PPP6R3: variants seen among roughly 807,000 people sequenced by gnomAD.
PPP6R3 encodes the protein protein phosphatase 6 regulatory subunit 3, also known as serine/threonine-protein phosphatase 6 regulatory subunit 3.
In PPP6R3, 38 loss-of-function variants were observed where a neutral mutation model predicts 110.7. The ratio of observed to expected loss-of-function variants is 0.34; its 90% CI spans 0.26 to 0.45. The LOEUF (loss-of-function observed/expected upper bound fraction) is 0.45, where lower values mean the gene tolerates loss of function less well. Ranked by LOEUF, PPP6R3 falls within the 20% of genes least tolerant of loss-of-function variation. PPP6R3 has a pLI of 1.00. For synonymous variants in PPP6R3, 369 were observed against 373.5 expected, an observed-to-expected ratio of 0.99 and a Z score of 0.14; for missense variants, 870 against 1,062.4, an observed-to-expected ratio of 0.82 and a Z score of 2.52.
Position 68,515,802 on chromosome 11 carries a change from C to T in PPP6R3, c.-157-3699C>T, listed in dbSNP as rs190036131. 4.4e-3 allele frequency among the ~76,000 whole-genome samples: 667 copies of T among 152,310 alleles called. 14 individuals carry two copies. The highest frequency in any genetic ancestry group is 1.1e-3 in the Non-Finnish European group (75 of 68,028). ...ACCATGCTGGGAGTTAGGACTTCAA[C>T]ATATGAGTGGAAGAGAGGGAGGACA... On this transcript the variant is annotated intron_variant, in intron 1 of 23. Transcript: ENST00000393800.
Position 68,545,004 on chromosome 11 carries a change from A to T in PPP6R3, c.394A>T (p.Ile132Phe), listed in dbSNP as rs2099343889. The T allele has an allele frequency of 6.2e-7, 1 of 1,606,674 alleles. No individual in the cohort carries two copies. Among genetic ancestry groups the T allele is most frequent in the African/African-American group, 1.3e-5 (1 of 74,832 alleles). ...SFFSKVLSIL[I>F]SRKPEQIVDF... Reference sequence around the variant, plus strand: ...CTTCAGCAAGGTGCTAAGTATTCTTATCAGCAGAAAACCAGAACAGGTAAA... The same window carrying T: ...CTTCAGCAAGGTGCTAAGTATTCTTTTCAGCAGAAAACCAGAACAGGTAAA... The change falls in exon 4 of 24, where the codon ATC (isoleucine) becomes TTC (phenylalanine). Residue 132 changes from isoleucine (I) to phenylalanine (F), a missense_variant. Coordinates refer to ENST00000393800, the MANE Select transcript of PPP6R3 (RefSeq NM_001164161.2).
intron 23 of PPP6R3, 57 bp from the exon 24 acceptor site, chr11:68,613,008 GT>G (rs1944344784): frequency 6.2e-7 from 1 of 1,613,420 alleles, no homozygotes; most frequent in African/African-American, 1.3e-5. Context: ...AGCTAAGTAG[GT>G]TTTGTTTTTC....
Position 68,562,053 on chromosome 11 carries a change from G to GAA in PPP6R3, c.846-2240_846-2239dup, listed in dbSNP as rs35619596. Among the ~76,000 whole-genome samples, 617 of 147,344 alleles carry GAA rather than the reference G, an allele frequency of 4.2e-3. 2 individuals carry two copies. Among genetic ancestry groups the GAA allele is most frequent in the Middle Eastern group, 7.1e-3 (2 of 280 alleles). On this transcript the variant is annotated intron_variant, in intron 8 of 23. Coordinates refer to ENST00000393800, the MANE Select transcript of PPP6R3 (RefSeq NM_001164161.2). ...GTAGAATATCCTAAAGAACATTAAA[G>GAA]AAAAAAAAAAACGCATACTCCTAGA... is the stretch of plus-strand genomic sequence containing the variant.
chr11:68,599,615 T>C (rs1375330894), intron 19 of PPP6R3, among the ~76,000 whole-genome samples: 1 of 152,236 alleles, frequency 6.6e-6, no homozygotes, highest in Non-Finnish European at 1.5e-5. Flanking sequence ...CAACATGTTC[T>C]TTTTTTAGAA....
intron 4 of PPP6R3, 91 bp downstream of exon 4, chr11:68,545,115 T>C: frequency 9.8e-7 from 1 of 1,020,674 alleles, no homozygotes; most frequent in South Asian, 2.1e-5. Context: ...GTTCTAACTT[T>C]GCCTTAAGTT....
At chr11:68,548,946 A>G (rs2153690218) in intron 5 of PPP6R3, among the ~76,000 whole-genome samples, 2 of 152,162 alleles carry the variant, frequency 1.3e-5, no homozygotes, top group South Asian at 4.2e-4. Context: ...GCTGGAGTGC[A>G]GTGGCGTGAT....
chr11:68,575,844 C>T (rs2099528943), intron 13 of PPP6R3, 114 bp from the exon 14 acceptor site: 2 of 680,906 alleles, frequency 2.9e-6, no homozygotes, highest in African/African-American at 1.8e-5. Context: ...ATAGGGCCTG[C>T]TCACCATTGA....
chr11:68,525,704 G>T (rs1441382275), intron 2 of PPP6R3, among the ~76,000 whole-genome samples: 2 of 152,142 alleles, frequency 1.3e-5, no homozygotes, highest in Non-Finnish European at 2.9e-5. Flanking sequence ...TTTCATTATA[G>T]AATTTGATAG....
chr11:68,607,597 G>C (rs1438218754), intron 22 of PPP6R3, among the ~76,000 whole-genome samples: 1 of 151,580 alleles, frequency 6.6e-6, no homozygotes. Context: ...TGAGGCACTA[G>C]AGTTAAGTGA....
intron 1 of PPP6R3, among the ~76,000 whole-genome samples, chr11:68,510,054 C>CTTTTTTTTT (rs372113258): frequency 1.3e-5 from 1 of 76,968 alleles, no homozygotes; most frequent in African/African-American, 5.5e-5. Context: ...TGTGCTCGGC[C>CTTTTTTTTT]TTTTTTTTTT....
chr11:68,542,121 C>T (rs1418504120), intron 3 of PPP6R3, among the ~76,000 whole-genome samples: 2 of 144,628 alleles, frequency 1.4e-5, no homozygotes, highest in Non-Finnish European at 3.0e-5. Context: ...GGGAGCAGGC[C>T]GCCGAGTGAT....
Position 68,615,137 on chromosome 11 carries a change from G to A in PPP6R3, c.*2020G>A, listed in dbSNP as rs1359125461. Reference sequence around the variant, plus strand: ...GTTTTGTCTTTCGTAGCAGGGAAAGGATATGACAATGGGGAGGACAGTTCT... The same window carrying A: ...GTTTTGTCTTTCGTAGCAGGGAAAGAATATGACAATGGGGAGGACAGTTCT... On this transcript the variant is annotated 3_prime_UTR_variant, in exon 24 of 24. Transcript: ENST00000393800. The A allele has an allele frequency of 1.3e-5, 6 of 457,380 alleles. No homozygotes were observed. The highest frequency in any genetic ancestry group is 9.3e-5 in the South Asian group (6 of 64,566). The allele number at this position is 457,380 out of a possible 1,614,324, so 28.3% of individuals were successfully genotyped here.
rs1377348660 is a variant in PPP6R3 at position 68,582,994 on chromosome 11, T to C, written c.1546-49T>C. The C allele has an allele frequency of 2.4e-6, 3 of 1,264,206 alleles. No individual in the cohort carries two copies. The Admixed American group carries it at 8.7e-5, about 36-fold the overall frequency. 78.3% of individuals were successfully genotyped at this position (1,264,206 alleles called of 1,614,324 possible). A position where few individuals can be genotyped will look rare whatever the true frequency, so the allele number is the denominator to read the frequency against. On this transcript the variant is annotated intron_variant, in intron 14 of 23. Coordinates refer to ENST00000393800, the MANE Select transcript of PPP6R3 (RefSeq NM_001164161.2). The stretch of plus-strand genomic sequence containing the variant: ...TTCCATAAAAATGCTGATACAAATG[T>C]CCAAAACTTTTCTATGTTAAATAGT...
intron 6 of PPP6R3, among the ~76,000 whole-genome samples, chr11:68,553,031 C>A (rs933892780): frequency 2.6e-5 from 4 of 152,136 alleles, no homozygotes; most frequent in African/African-American, 9.7e-5. Flanking sequence ...TTGATAGTTA[C>A]CAAGGAAATG....
At chr11:68,601,591 G>C (rs567367878) in intron 20 of PPP6R3, among the ~76,000 whole-genome samples, 1 of 152,272 alleles carries the variant, frequency 6.6e-6, no homozygotes, top group African/African-American at 2.4e-5. Context: ...TGAGAAGTTG[G>C]GACATGATGA....
intron 16 of PPP6R3, among the ~76,000 whole-genome samples, chr11:68,588,494 G>C (rs936090423): frequency 3.3e-5 from 5 of 151,980 alleles, no homozygotes; most frequent in South Asian, 2.1e-4. Context: ...GTCTCATTCT[G>C]TTGCCCCGGC....
chr11:68,609,899 T>G lies in PPP6R3; in HGVS notation c.2451-5T>G. On this transcript the variant is annotated splice_region_variant and splice_polypyrimidine_tract_variant and intron_variant, in intron 22 of 23. Transcript: ENST00000393800. ...TTGATGTGCCTGTCATCCTCTTTAC[T>G]GCAGTGAGGAAGGGAAACTGTCTAC... 1 of 1,614,022 alleles carries G rather than the reference T, an allele frequency of 6.2e-7. No individual in the cohort carries two copies. Among genetic ancestry groups the G allele is most frequent in the Non-Finnish European group, 8.5e-7 (1 of 1,179,908 alleles).
intron 20 of PPP6R3, among the ~76,000 whole-genome samples, chr11:68,601,513 C>T (rs1054929149): frequency 3.3e-5 from 5 of 152,180 alleles, no homozygotes; most frequent in Non-Finnish European, 7.3e-5. Context: ...TGATAAATAC[C>T]GTTGCCATTG....
rs368930805 is a variant in PPP6R3, at chr11:68,475,835, G to A, written c.-158+15008G>A. ...CTCACTTCTCAGACGGGGTGGCCGG[G>A]CAGAGACGCTCCTCACCTCCCAGAT... On this transcript the variant is annotated intron_variant, in intron 1 of 23. Coordinates refer to ENST00000393800, the MANE Select transcript of PPP6R3 (RefSeq NM_001164161.2). Among the ~76,000 whole-genome samples, 11 of 151,624 alleles carry A rather than the reference G, an allele frequency of 7.3e-5. No homozygotes were observed. In the East Asian group the frequency reaches 2.0e-3, roughly 27 times the overall value.
Sources: gnomAD v4.1 joint callset for allele counts (sites outside exome capture counted in the v4.1 genomes callset) on GRCh38, gnomAD v4.1.1 for gene constraint, MANE v1.5 for transcripts, NCBI Gene and HGNC (gene_info 2026-07-23, HGNC 2026-07-21) for gene names.